OTOGL: variants seen among roughly 807,000 people sequenced by gnomAD.
OTOGL encodes the protein otogelin like, also known as otogelin-like protein.
OTOGL carries 285 observed loss-of-function variants against 318.5 expected under a neutral mutation model. The ratio of observed to expected loss-of-function variants is 0.89; its 90% CI spans 0.81 to 0.99. The LOEUF (loss-of-function observed/expected upper bound fraction) is 0.99, where lower values mean the gene tolerates loss of function less well. OTOGL is among the 50% of genes least tolerant of loss of function. The pLI is 0.00. For missense variants in OTOGL, 2,899 were observed against 2,845.6 expected (o/e 1.02, Z -0.43); for synonymous variants, 987 against 936.5 (o/e 1.05, Z -0.99).
At chr12:80,300,526 G>A (rs748459756) in intron 27 of OTOGL, among the ~76,000 whole-genome samples, 13 of 152,108 alleles carry the variant, frequency 8.5e-5, no homozygotes, top group African/African-American at 2.7e-4. Context: ...GACAAAACAC[G>A]AATTCACAGG....
intron 1 of OTOGL, among the ~76,000 whole-genome samples, chr12:80,182,184 T>G (rs958405319): frequency 3.9e-5 from 6 of 152,020 alleles, no homozygotes; most frequent in Admixed American, 6.6e-5. Context: ...GTAAAAAAAT[T>G]AAAGAGACGT....
At chr12:80,274,898 A>C (rs1883682025) in intron 24 of OTOGL, among the ~76,000 whole-genome samples, 1 of 151,982 alleles carries the variant, frequency 6.6e-6, no homozygotes, top group African/African-American at 2.4e-5. Context: ...TGGTTTACTG[A>C]ATATTTTCAG....
At chr12:80,195,324 A>G (rs1269069609) in intron 1 of OTOGL, among the ~76,000 whole-genome samples, 1 of 152,212 alleles carries the variant, frequency 6.6e-6, no homozygotes, top group Non-Finnish European at 1.5e-5. Flanking sequence ...GACGTTCAGT[A>G]GTGAGCCAGC....
chr12:80,152,969 C>G (rs1872882057), intron 1 of OTOGL, among the ~76,000 whole-genome samples: 1 of 152,198 alleles, frequency 6.6e-6, no homozygotes, highest in Non-Finnish European at 1.5e-5. Context: ...GCTGGGATTA[C>G]AGGCATGAGC....
intron 52 of OTOGL, among the ~76,000 whole-genome samples, chr12:80,359,450 T>C (rs939744795): frequency 9.9e-5 from 15 of 152,196 alleles, no homozygotes; most frequent in East Asian, 9.6e-4. Context: ...CTTCATGATA[T>C]GCCGATAAGG....
At chr12:80,217,848 C>T (rs1270425148) in intron 5 of OTOGL, among the ~76,000 whole-genome samples, 184 bp downstream of exon 5, 1 of 152,116 alleles carries the variant, frequency 6.6e-6, no homozygotes, top group Non-Finnish European at 1.5e-5. Context: ...TGAGAATAAC[C>T]AGGGCCAAAC....
intron 1 of OTOGL, among the ~76,000 whole-genome samples, chr12:80,176,841 AC>A (rs1874562393): frequency 6.6e-6 from 1 of 152,108 alleles, no homozygotes; most frequent in Non-Finnish European, 1.5e-5. Flanking sequence ...AAGGGGTTGT[AC>A]CATTTTACGT....
chr12:80,125,783 A>G (rs1428846966), intron 1 of OTOGL, among the ~76,000 whole-genome samples: 1 of 152,152 alleles, frequency 6.6e-6, no homozygotes, highest in Non-Finnish European at 1.5e-5. Flanking sequence ...GTATGTGTTG[A>G]GGAATTTATC....
chr12:80,344,019 T>C (rs1168189697), intron 44 of OTOGL, among the ~76,000 whole-genome samples: 3 of 152,196 alleles, frequency 2.0e-5, no homozygotes, highest in African/African-American at 7.2e-5. Context: ...TGACTTTTGA[T>C]GCTGCCCTAC....
rs570109379 is a variant in OTOGL, at chr12:80,318,998, T to C, written c.3802+285T>C. 2.0e-5 allele frequency among the ~76,000 whole-genome samples: 3 copies of C among 152,316 alleles called. No individual in the cohort carries two copies. In the East Asian group the frequency reaches 5.8e-4, roughly 29 times the overall value. On this transcript the variant is annotated intron_variant, in intron 33 of 58. Coordinates refer to ENST00000547103, the MANE Select transcript of OTOGL (RefSeq NM_001378609.3). ...ATTTTCATAGTATTAATCACAGAAC[T>C]TAATTTGATGTTTTTGAAAAACCAT...
At chr12:80,147,234 C>T (rs1333058895) in intron 1 of OTOGL, among the ~76,000 whole-genome samples, 1 of 149,926 alleles carries the variant, frequency 6.7e-6, no homozygotes, top group Non-Finnish European at 1.5e-5. Flanking sequence ...GAATGCGTCC[C>T]AGAGATTCTG....
chr12:80,244,198 T>A (rs1880653902), intron 11 of OTOGL, among the ~76,000 whole-genome samples: 1 of 151,610 alleles, frequency 6.6e-6, no homozygotes, highest in Non-Finnish European at 1.5e-5. Flanking sequence ...ACTTTAAGTT[T>A]TAGGGTACAT....
In OTOGL at chr12:80,370,708, C is replaced by T; in HGVS notation, c.6735+19C>T. ...CAAAATGGTTTGTACTTTGTTGTATCTAAGAAAATTTATTATTATATAATT... is the reference window on the plus strand; with the variant it reads ...CAAAATGGTTTGTACTTTGTTGTATTTAAGAAAATTTATTATTATATAATT... On this transcript the variant is annotated intron_variant, in intron 56 of 58. Transcript: ENST00000547103. 1 of 1,487,810 alleles carries T rather than the reference C, an allele frequency of 6.7e-7. No individual in the cohort carries two copies. Among genetic ancestry groups the T allele is most frequent in the Non-Finnish European group, 9.1e-7 (1 of 1,103,944 alleles). The allele number at this position is 1,487,810 out of a possible 1,614,324, so 92.2% of individuals were successfully genotyped here.
rs1053095478 is a variant in OTOGL at position 80,336,966 on chromosome 12, C to T, written c.4822C>T (p.Pro1608Ser). The stretch of plus-strand genomic sequence containing the variant: ...TTTTAAGAAGTTAAATGTGACAACA[C>T]CCATACATAAAATAATTGTCAATCG... ...LCFKKLNVTT[P>S]IHKIIVNRLA... is the part of the protein sequence containing the mutation. Residue 1608 changes from proline (P) to serine (S), a missense_variant, in exon 42 of 59, where the codon CCC becomes TCC. By Grantham distance (74) the Pro-to-Ser change is moderately conservative (BLOSUM62 -1). This residue lies in a region of OTOGL where 2,607 missense variants were observed against 2,524.9 expected (regional missense o/e 1.03). Transcript: ENST00000547103. The T allele has an allele frequency of 1.9e-6, 3 of 1,594,358 alleles. No homozygotes were observed. The highest frequency in any genetic ancestry group is 2.7e-5 in the African/African-American group (2 of 74,446).
chr12:80,250,552 T>A (rs1029297901), intron 11 of OTOGL, among the ~76,000 whole-genome samples: 1 of 152,230 alleles, frequency 6.6e-6, no homozygotes, highest in African/African-American at 2.4e-5. Context: ...TAGCCTAAAC[T>A]GTTTTGAAAA....
chr12:80,288,764 C>G (rs1884821099), intron 26 of OTOGL, among the ~76,000 whole-genome samples: 1 of 152,032 alleles, frequency 6.6e-6, no homozygotes, highest in African/African-American at 2.4e-5. Context: ...ATGTTCTTCT[C>G]TAAACTGGTT....
At chr12:80,341,723 G>T (rs1055412285) in intron 43 of OTOGL, among the ~76,000 whole-genome samples, 2 of 152,026 alleles carry the variant, frequency 1.3e-5, no homozygotes, top group Admixed American at 1.3e-4. Context: ...CTAGGCTTTT[G>T]ATTTCTTTCT....
At chr12:80,281,517 C>T (rs1025773547) in intron 26 of OTOGL, among the ~76,000 whole-genome samples, 9 of 151,776 alleles carry the variant, frequency 5.9e-5, no homozygotes, top group Admixed American at 5.3e-4. Context: ...GTGTATGTTG[C>T]ACCAAACTGT....
intron 19 of OTOGL, among the ~76,000 whole-genome samples, chr12:80,263,767 C>T (rs1252304449): frequency 6.6e-6 from 1 of 151,894 alleles, no homozygotes; most frequent in East Asian, 1.9e-4. Flanking sequence ...AAGTCAATAA[C>T]TCTGATCTAG....
Sources: allele counts gnomAD v4.1 joint callset (sites outside exome capture counted in the v4.1 genomes callset), GRCh38; gene constraint gnomAD v4.1.1; regional missense constraint gnomAD v4.1.1; transcripts MANE v1.5; gene names NCBI Gene and HGNC (gene_info 2026-07-23, HGNC 2026-07-21).